The following TRANK1 variants were observed in gnomAD, a reference collection of about 807,000 sequenced individuals.
The protein encoded by TRANK1 is TPR and ankyrin repeat-containing protein 1.
In TRANK1, 198 loss-of-function variants were observed where a neutral mutation model predicts 266.0. The observed-to-expected ratio is 0.74, with a 90% CI of 0.66 to 0.84. The LOEUF (loss-of-function observed/expected upper bound fraction) is 0.84. Among genes scored for constraint, TRANK1 ranks in the 40% least tolerant of loss-of-function variants. TRANK1 has a pLI of 0.00. For synonymous variants in TRANK1, 1,396 were observed against 1,384.1 expected (o/e 1.01, Z -0.19); for missense variants, 3,326 against 3,634.6 (o/e 0.92, Z 2.18).
chr3:36,911,507 C>T (rs995325675), intron 1 of TRANK1, among the ~76,000 whole-genome samples: 2 of 152,078 alleles, frequency 1.3e-5, no homozygotes, highest in Non-Finnish European at 1.5e-5. Context: ...TCATAGTTCT[C>T]TAGAAACCAA....
At chr3:36,868,458 T>C (rs1329576905) in intron 9 of TRANK1, among the ~76,000 whole-genome samples, 3 of 152,126 alleles carry the variant, frequency 2.0e-5, no homozygotes, top group Non-Finnish European at 4.4e-5. Context: ...TAATAGAAAA[T>C]AGAAATAAAT....
At chr3:36,910,137 A>G (rs2080030864) in intron 1 of TRANK1, among the ~76,000 whole-genome samples, 2 of 152,258 alleles carry the variant, frequency 1.3e-5, no homozygotes, top group Admixed American at 1.3e-4. Context: ...CTAAGAAACA[A>G]TTCACAAAGA....
intron 20 of TRANK1, among the ~76,000 whole-genome samples, chr3:36,837,853 T>C (rs1003857328): frequency 6.6e-6 from 1 of 152,240 alleles, no homozygotes; most frequent in Non-Finnish European, 1.5e-5. Context: ...CACTTGCCAT[T>C]GTGGCTAGTA....
chr3:36,903,155 G>A lies in TRANK1; in HGVS notation c.276C>T (p.Tyr92=), dbSNP rs935642186. The A allele has an allele frequency of 7.8e-6, 12 of 1,536,940 alleles. No homozygotes were observed. Among genetic ancestry groups the A allele is most frequent in the South Asian group, 3.6e-5 (3 of 84,064 alleles). The change falls in exon 3 of 24, where the codon TAC becomes TAT. Residue 92 remains tyrosine (Y), a synonymous_variant. Coordinates refer to ENST00000645898, the MANE Select transcript of TRANK1 (RefSeq NM_001329998.2). The part of the protein sequence containing the change: ...AKECLQWDPT[Y]VKGYYRAGYS... ...TCACCCTCCCACCCCATACCTTCAC[G>A]TAGGTTGGATCCCATTGGAGACATT...
At chr3:36,914,586 C>T (rs2080100032) in intron 1 of TRANK1, among the ~76,000 whole-genome samples, 1 of 151,856 alleles carries the variant, frequency 6.6e-6, no homozygotes, top group African/African-American at 2.4e-5. Flanking sequence ...ACAGAACACC[C>T]CCAATCCCCC....
In TRANK1 at chr3:36,838,600, C is replaced by A. The variant is rs759932198; in HGVS notation, c.5384+13G>T. 5 of 1,613,786 alleles carry A rather than the reference C, an allele frequency of 3.1e-6. No homozygotes were observed. Among genetic ancestry groups the A allele is most frequent in the Non-Finnish European group, 4.2e-6 (5 of 1,179,866 alleles). On this transcript the variant is annotated intron_variant, in intron 19 of 23. Transcript: ENST00000645898. ...CCATCGGAGCAAACCAGAAGTGATC[C>A]CAAGACTCTTACTTGGGGCTGACTT... is the stretch of plus-strand genomic sequence containing the variant.
intron 2 of TRANK1, among the ~76,000 whole-genome samples, chr3:36,907,985 G>A (rs1382512815): frequency 6.6e-6 from 1 of 152,112 alleles, no homozygotes; most frequent in Non-Finnish European, 1.5e-5. Context: ...GTGCGCTGTG[G>A]CCACGGAGTA....
At chr3:36,907,332 T>C (rs1468578331) in intron 2 of TRANK1, among the ~76,000 whole-genome samples, 1 of 152,012 alleles carries the variant, frequency 6.6e-6, no homozygotes, top group Non-Finnish European at 1.5e-5. Flanking sequence ...GTATTTTTAG[T>C]AGAGATGGGG....
At chr3:36,864,208 G>T in intron 10 of TRANK1, 111 bp downstream of exon 10, 1 of 1,197,078 alleles carries the variant, frequency 8.4e-7, no homozygotes, top group Non-Finnish European at 1.1e-6. Flanking sequence ...TGTTTTACAT[G>T]TAGATACATT....
At chr3:36,934,458 G>GT (rs2080397307) in intron 1 of TRANK1, among the ~76,000 whole-genome samples, 1 of 152,160 alleles carries the variant, frequency 6.6e-6, no homozygotes, top group Non-Finnish European at 1.5e-5. Context: ...CGTTTGAGTT[G>GT]TTTTTTCTCT....
At chr3:36,850,473 C>CCTT (rs1250554874) in intron 15 of TRANK1, 2 of 985,248 alleles carry the variant, frequency 2.0e-6, no homozygotes, top group East Asian at 1.1e-4. Context: ...ATCTCAGTGA[C>CCTT]CTTCTGCTTT....
At chr3:36,877,927 C>T (rs1208183713) in intron 8 of TRANK1, among the ~76,000 whole-genome samples, 1 of 152,192 alleles carries the variant, frequency 6.6e-6, no homozygotes, top group African/African-American at 2.4e-5. Context: ...TTTTTCCTGG[C>T]TTCTGCTGAA....
chr3:36,918,065 T>C (rs2080150956), intron 1 of TRANK1, among the ~76,000 whole-genome samples: 1 of 152,140 alleles, frequency 6.6e-6, no homozygotes, highest in Admixed American at 6.6e-5. Context: ...GGAGTACTAT[T>C]TAGCCTTAGA....
At chr3:36,907,538 C>T (rs1043210623) in intron 2 of TRANK1, among the ~76,000 whole-genome samples, 1 of 146,408 alleles carries the variant, frequency 6.8e-6, no homozygotes, top group Non-Finnish European at 1.5e-5. Context: ...AATCTCGGCT[C>T]ACTGCAAGCT....
chr3:36,903,046 C>T, intron 3 of TRANK1, 103 bp downstream of exon 3: 2 of 1,395,010 alleles, frequency 1.4e-6, no homozygotes, highest in Non-Finnish European at 1.9e-6. Context: ...CTGCCACCCC[C>T]AGGTGCCACT....
At chr3:36,841,727 G>A (rs955500195) in intron 18 of TRANK1, among the ~76,000 whole-genome samples, 1 of 152,158 alleles carries the variant, frequency 6.6e-6, no homozygotes, top group East Asian at 1.9e-4. Flanking sequence ...GAATTCTGCT[G>A]AGGGAACGGA....
intron 9 of TRANK1, 90 bp downstream of exon 9, chr3:36,874,036 A>G (rs2079349578): frequency 1.7e-6 from 2 of 1,205,710 alleles, no homozygotes; most frequent in South Asian, 3.1e-5. Flanking sequence ...GTGTATATAT[A>G]TATATACCAA....
chr3:36,859,958 T>C (rs1389276446), intron 11 of TRANK1, among the ~76,000 whole-genome samples: 1 of 152,224 alleles, frequency 6.6e-6, no homozygotes, highest in Non-Finnish European at 1.5e-5. Context: ...TAAGGATCAA[T>C]GTGCTATTGA....
intron 1 of TRANK1, among the ~76,000 whole-genome samples, chr3:36,932,663 G>A (rs1457384604): frequency 6.6e-6 from 1 of 152,236 alleles, no homozygotes; most frequent in Non-Finnish European, 1.5e-5. Context: ...GCAATTTGGA[G>A]AGCAACTTAG....
Sources: allele counts gnomAD v4.1 joint callset (sites outside exome capture counted in the v4.1 genomes callset), GRCh38; gene constraint gnomAD v4.1.1; transcripts MANE v1.5; gene names NCBI Gene and HGNC (gene_info 2026-07-23, HGNC 2026-07-21).